Variants in AKNAD1 observed in about 807,000 individuals in gnomAD.
AKNAD1 encodes the protein protein AKNAD1.
A neutral mutation model predicts 90.8 loss-of-function variants in AKNAD1; 67 were observed. The observed-to-expected ratio is 0.74, with a 90% confidence interval of 0.61 to 0.90. The LOEUF is 0.90. Among genes scored for constraint, AKNAD1 ranks in the 40% least tolerant of loss-of-function variants. The probability of loss-of-function intolerance (pLI) is 0.00; values close to 1 mark genes in which losing one functional copy is unlikely to be tolerated. For synonymous variants in AKNAD1, 327 were observed against 341.4 expected (o/e 0.96, Z 0.46); for missense variants, 957 against 975.4 (o/e 0.98, Z 0.25).
chr1:108,839,883 G>A (rs906806125), intron 6 of AKNAD1, among the ~76,000 whole-genome samples: 1 of 152,042 alleles, frequency 6.6e-6, no homozygotes, highest in African/African-American at 2.4e-5. Flanking sequence ...TAATTAGCTG[G>A]GAGTGGTGGC....
chr1:108,853,423 G>A (rs903976378), intron 1 of AKNAD1, among the ~76,000 whole-genome samples: 13 of 151,098 alleles, frequency 8.6e-5, no homozygotes, highest in East Asian at 2.0e-4. Context: ...GAGCCACCGC[G>A]CCCGGCCTGA....
rs141381910 is a variant in AKNAD1, at chr1:108,852,640, G to C, written c.25C>G (p.His9Asp). MDEADFSE[H>D]TTYKQEDLPY... ...AAATCCTCCTGCTTATAAGTCGTGT[G>C]TTCTGAAAAATCAGCCTCATCCATG... is the stretch of plus-strand genomic sequence containing the variant. Residue 9 changes from histidine to aspartate, a missense_variant, in exon 2 of 16, where the codon CAC (histidine) becomes GAC (aspartate). Physicochemically the swap from His to Asp is moderately conservative, Grantham distance 81. Transcript: ENST00000370001. The C allele has an allele frequency of 4.4e-6, 7 of 1,589,436 alleles. No homozygotes were observed. The highest frequency in any genetic ancestry group is 4.3e-6 in the Non-Finnish European group (5 of 1,169,268).
At chr1:108,844,831 T>TTA (rs1553203982) in intron 5 of AKNAD1, among the ~76,000 whole-genome samples, 29 of 151,330 alleles carry the variant, frequency 1.9e-4, no homozygotes, top group African/African-American at 6.8e-4. Flanking sequence ...TTTTTTTTTT[T>TTA]AATTTAAGAC....
intron 1 of AKNAD1, among the ~76,000 whole-genome samples, chr1:108,853,600 C>G (rs1557839875): frequency 6.6e-6 from 1 of 152,074 alleles, no homozygotes; most frequent in African/African-American, 2.4e-5. Context: ...TCCTGACTTT[C>G]CCTTGCATGT....
rs1332211934 is a variant in AKNAD1 at position 108,852,265 on chromosome 1, G to T, written c.400C>A (p.Pro134Thr). The change falls in exon 2 of 16, where the codon CCA (proline) becomes ACA (threonine). Residue 134 changes from proline to threonine, a missense_variant. Physicochemically the swap from Pro to Thr is conservative, Grantham distance 38 (BLOSUM62 -1). Transcript: ENST00000370001. Reference sequence around the variant, plus strand: ...AAACTGTCGGCATTTGAGATCTCTGGGAGGGTTTCACAATCAATGCCTTGA... The same window carrying T: ...AAACTGTCGGCATTTGAGATCTCTGTGAGGGTTTCACAATCAATGCCTTGA... The part of the protein sequence containing the change: ...RGQGIDCETL[P>T]EISNADSFEE... 4 of 1,613,980 alleles carry T rather than the reference G, an allele frequency of 2.5e-6. No homozygotes were observed. Among genetic ancestry groups the T allele is most frequent in the South Asian group, 2.2e-5 (2 of 91,062 alleles).
chr1:108,833,711 ATTTTTCCCATGG>A (rs1182685480), intron 9 of AKNAD1, among the ~76,000 whole-genome samples: 2 of 144,694 alleles, frequency 1.4e-5, no homozygotes, highest in Non-Finnish European at 3.0e-5. Context: ...TTTTTCATCC[ATTTTTCCCATGG>A]TTTTTTTTTT....
At position 108,823,719 on chromosome 1, in the gene AKNAD1, G is replaced by C. The variant is rs555304765; in HGVS notation, c.1937-31C>G. ...AAAGCCCAAGTTGCATGAATGAAGG[G>C]TAAGTGTCTTGATTATAGTCATAAA... On this transcript the variant is annotated intron_variant, in intron 11 of 15. Coordinates refer to ENST00000370001, the MANE Select transcript of AKNAD1 (RefSeq NM_152763.5). 17 of 1,613,818 alleles carry C rather than the reference G, an allele frequency of 1.1e-5. No homozygotes were observed. In the Admixed American group the frequency reaches 1.2e-4, roughly 11 times the overall value.
chr1:108,817,497 ATTT>A (rs10681740), intron 14 of AKNAD1: 8 of 60,344 alleles, frequency 1.3e-4, no homozygotes, highest in African/African-American at 2.1e-4. Context: ...TTTTTTTTTA[ATTT>A]TTTTTTTTTT....
At chr1:108,851,047 C>T (rs959201265) in intron 2 of AKNAD1, among the ~76,000 whole-genome samples, 4 of 152,148 alleles carry the variant, frequency 2.6e-5, no homozygotes, top group Non-Finnish European at 4.4e-5. Context: ...GCATAACGTA[C>T]GTTAAGACAC....
At chr1:108,836,254 A>AGT in intron 7 of AKNAD1, among the ~76,000 whole-genome samples, 1 of 152,330 alleles carries the variant, frequency 6.6e-6, no homozygotes, top group Non-Finnish European at 1.5e-5. Context: ...TGCAGGTCCA[A>AGT]GACTAGCAGG....
intron 7 of AKNAD1, 60 bp downstream of exon 7, chr1:108,837,490 T>C: frequency 6.6e-7 from 1 of 1,513,008 alleles, no homozygotes; most frequent in Non-Finnish European, 9.0e-7. Flanking sequence ...ATTAGGAGTC[T>C]ATAAATGCAA....
intron 6 of AKNAD1, among the ~76,000 whole-genome samples, chr1:108,838,679 A>G (rs543078028): frequency 6.6e-6 from 1 of 152,314 alleles, no homozygotes; most frequent in Non-Finnish European, 1.5e-5. Context: ...TCTATGAAAC[A>G]AACCACTGGA....
Position 108,816,039 on chromosome 1 carries a change from T to G in AKNAD1, c.*132A>C. 2 of 954,630 alleles carry G rather than the reference T, an allele frequency of 2.1e-6. No homozygotes were observed. The highest frequency in any genetic ancestry group is 2.9e-6 in the Non-Finnish European group (2 of 689,840). The allele number at this position is 954,630 out of a possible 1,614,324, so 59.1% of individuals were successfully genotyped here. ...TCCTTTAAGTACTTTGTGTTACCCA[T>G]TTCTTATGGTTTCTGTGTTTTCTCT... On this transcript the variant is annotated 3_prime_UTR_variant, in exon 16 of 16. Coordinates refer to ENST00000370001, the MANE Select transcript of AKNAD1 (RefSeq NM_152763.5).
At chr1:108,822,701 AC>A (rs1663855709) in intron 13 of AKNAD1, among the ~76,000 whole-genome samples, 1 of 152,144 alleles carries the variant, frequency 6.6e-6, no homozygotes, top group Non-Finnish European at 1.5e-5. Context: ...CTGTCAGAGA[AC>A]CAGGTATAGC....
chr1:108,834,559 T>C (rs1252529772), intron 8 of AKNAD1, 31 bp from the exon 9 acceptor site: 3 of 1,541,442 alleles, frequency 1.9e-6, no homozygotes, highest in Non-Finnish European at 1.8e-6. Flanking sequence ...GCAGTTTGAA[T>C]GTTAGAATCA....
At chr1:108,818,942 C>T (rs947117783) in intron 14 of AKNAD1, among the ~76,000 whole-genome samples, 3 of 116,052 alleles carry the variant, frequency 2.6e-5, no homozygotes, top group African/African-American at 9.9e-5. Flanking sequence ...CCAGCCTGGG[C>T]GAAATAGTGA....
intron 1 of AKNAD1, among the ~76,000 whole-genome samples, chr1:108,853,136 C>CTTTTTTTTTTTTTTTTTT (rs889504364): frequency 1.5e-5 from 2 of 133,548 alleles, no homozygotes; most frequent in Non-Finnish European, 3.2e-5. Context: ...TTTCTTTTTT[C>CTTTTTTTTTTTTTTTTTT]TTTTTTTTTT....
intron 13 of AKNAD1, among the ~76,000 whole-genome samples, chr1:108,821,540 C>T (rs1759491): frequency 0.26 from 40,172 of 152,080 alleles, 6,124 homozygotes; most frequent in East Asian, 0.69. Flanking sequence ...CTGTGCATGA[C>T]ATCTGACTTC....
intron 13 of AKNAD1, chr1:108,822,947 G>A (rs1039120811): frequency 7.1e-6 from 3 of 422,640 alleles, no homozygotes; most frequent in Non-Finnish European, 1.3e-5. Flanking sequence ...TTGGAAGTTA[G>A]CAACATGATG....
Sources: allele counts gnomAD v4.1 joint callset (sites outside exome capture counted in the v4.1 genomes callset), GRCh38; gene constraint gnomAD v4.1.1; transcripts MANE v1.5; gene names NCBI Gene and HGNC (gene_info 2026-07-23, HGNC 2026-07-21).